Variants in LGR6 observed in about 807,000 individuals in gnomAD.
The protein encoded by LGR6 is leucine rich repeat containing G protein-coupled receptor 6.
A neutral mutation model predicts 69.4 loss-of-function variants in LGR6; 45 were observed. The ratio of observed to expected loss-of-function variants is 0.65; its 90% confidence interval spans 0.51 to 0.83. LGR6 has a LOEUF of 0.83. LGR6 is among the 40% of genes least tolerant of loss of function. The pLI, the probability that LGR6 is intolerant of heterozygous loss-of-function variation, is 0.00. For synonymous variants in LGR6, 538 were observed against 555.0 expected (o/e 0.97, Z 0.43); for missense variants, 1,108 against 1,246.7 (o/e 0.89, Z 1.68).
rs758435185 is a variant in LGR6 at position 202,280,821 on chromosome 1, A to G, written c.685A>G (p.Ser229Gly). The G allele has an allele frequency of 3.7e-6, 6 of 1,614,076 alleles. No individual in the cohort carries two copies. Among genetic ancestry groups the G allele is most frequent in the Non-Finnish European group, 2.5e-6 (3 of 1,180,028 alleles). ...CCGCATCCAGCATCTGGGGACCCAC[A>G]GCTTCGAGGGGCTGCACAATCTGGA... The part of the protein sequence containing the change: ...NNRIQHLGTH[S>G]FEGLHNLETL... Residue 229 changes from serine (S) to glycine (G), a missense_variant, in exon 6 of 18, where the codon AGC (serine) becomes GGC (glycine). Coordinates refer to ENST00000367278, the MANE Select transcript of LGR6 (RefSeq NM_001017403.2).
At chr1:202,209,937 A>G (rs1294433546) in intron 1 of LGR6, among the ~76,000 whole-genome samples, 1 of 152,234 alleles carries the variant, frequency 6.6e-6, no homozygotes, top group Non-Finnish European at 1.5e-5. Context: ...GTTTGTACTT[A>G]GGTGATGCAC....
At chr1:202,205,874 C>T (rs1659202325) in intron 1 of LGR6, among the ~76,000 whole-genome samples, 1 of 149,822 alleles carries the variant, frequency 6.7e-6, no homozygotes, top group Non-Finnish European at 1.5e-5. Flanking sequence ...CAAACACACA[C>T]CCGTCCTTCA....
At chr1:202,310,064 G>A (rs1653593942) in intron 15 of LGR6, 133 bp from the exon 16 acceptor site, 3 of 866,090 alleles carry the variant, frequency 3.5e-6, no homozygotes, top group Non-Finnish European at 5.5e-6. Context: ...CCAGCACAGT[G>A]AACAGGGAAC....
intron 6 of LGR6, among the ~76,000 whole-genome samples, chr1:202,282,669 G>A (rs1438147747): frequency 2.0e-5 from 3 of 152,180 alleles, no homozygotes; most frequent in Admixed American, 2.0e-4. Flanking sequence ...CAGGTGGGGA[G>A]GGGGTACATA....
At chr1:202,206,450 C>T (rs535596837) in intron 1 of LGR6, among the ~76,000 whole-genome samples, 15 of 152,340 alleles carry the variant, frequency 9.8e-5, no homozygotes, top group Admixed American at 5.9e-4. Flanking sequence ...TGGCCAGGAT[C>T]CCTTCACAGA....
At chr1:202,198,396 A>G (rs941626871) in intron 1 of LGR6, among the ~76,000 whole-genome samples, 2 of 152,208 alleles carry the variant, frequency 1.3e-5, no homozygotes, top group Admixed American at 6.5e-5. Context: ...CACTTAGATG[A>G]TGTTTGCAAA....
chr1:202,224,997 A>T (rs1660411780), intron 1 of LGR6, among the ~76,000 whole-genome samples: 1 of 152,232 alleles, frequency 6.6e-6, no homozygotes, highest in African/African-American at 2.4e-5. Flanking sequence ...TCTGGGCCTC[A>T]GTTTCCCCAC....
chr1:202,243,215 G>T (rs1409165025), intron 4 of LGR6, among the ~76,000 whole-genome samples: 1 of 152,190 alleles, frequency 6.6e-6, no homozygotes, highest in African/African-American at 2.4e-5. Flanking sequence ...TGCTCCCAGA[G>T]CTGACCTTGG....
intron 17 of LGR6, among the ~76,000 whole-genome samples, chr1:202,316,345 C>G (rs1193383536): frequency 6.6e-6 from 1 of 152,126 alleles, no homozygotes; most frequent in Non-Finnish European, 1.5e-5. Flanking sequence ...AAGCCAGACT[C>G]CCTTTAACAA....
intron 4 of LGR6, among the ~76,000 whole-genome samples, chr1:202,265,952 CT>C (rs1403755763): frequency 6.6e-6 from 1 of 152,112 alleles, no homozygotes; most frequent in Non-Finnish European, 1.5e-5. Context: ...TGAAGTTGGC[CT>C]TTTACTATCT....
chr1:202,308,618 T>C (rs900715908), intron 14 of LGR6, among the ~76,000 whole-genome samples: 2 of 152,108 alleles, frequency 1.3e-5, no homozygotes, highest in African/African-American at 4.8e-5. Flanking sequence ...AGCCCTCTTA[T>C]ATCATCAGAA....
At chr1:202,256,928 C>T (rs1489723928) in intron 4 of LGR6, among the ~76,000 whole-genome samples, 4 of 152,096 alleles carry the variant, frequency 2.6e-5, no homozygotes, top group African/African-American at 7.2e-5. Flanking sequence ...AGTGGTATCT[C>T]GTTGTGGTTC....
intron 3 of LGR6, among the ~76,000 whole-genome samples, chr1:202,232,680 G>A (rs2361449): frequency 0.049 from 7,528 of 152,110 alleles, 253 homozygotes; most frequent in Admixed American, 0.11. Context: ...TTAAAACCTT[G>A]TCTGTTGATT....
intron 4 of LGR6, 32 bp downstream of exon 4, chr1:202,236,025 C>G: frequency 6.3e-7 from 1 of 1,594,732 alleles, no homozygotes; most frequent in South Asian, 1.1e-5. Flanking sequence ...CTGGGAGTCA[C>G]CAGCTTCCTG....
chr1:202,256,266 T>TA (rs1288285573), intron 4 of LGR6, among the ~76,000 whole-genome samples: 1 of 152,166 alleles, frequency 6.6e-6, no homozygotes, highest in East Asian at 1.9e-4. Context: ...ATTTTTGAGA[T>TA]AGAGTCTCGC....
Position 202,318,990 on chromosome 1 carries a change from T to A in LGR6, c.2687T>A (p.Phe896Tyr), listed in dbSNP as rs1045147084. The change falls in exon 18 of 18, where the codon TTC becomes TAC. Residue 896 changes from phenylalanine (F) to tyrosine (Y), a missense_variant. Transcript: ENST00000367278. ...GRPPGLETYG[F>Y]PSVTLISCQQ... Reference sequence around the variant, plus strand: ...CCCCCTGGGCTGGAGACCTATGGCTTCCCCTCAGTGACCCTCATCTCCTGT... The same window carrying A: ...CCCCCTGGGCTGGAGACCTATGGCTACCCCTCAGTGACCCTCATCTCCTGT... The A allele has an allele frequency of 3.1e-6, 5 of 1,613,556 alleles. No individual in the cohort carries two copies. Among genetic ancestry groups the A allele is most frequent in the Admixed American group, 3.3e-5 (2 of 59,930 alleles).
At chr1:202,213,629 T>C (rs763692013) in intron 1 of LGR6, among the ~76,000 whole-genome samples, 1 of 152,234 alleles carries the variant, frequency 6.6e-6, no homozygotes, top group African/African-American at 2.4e-5. Flanking sequence ...GGAGGGGCTC[T>C]GTTGGTTACA....
Position 202,235,940 on chromosome 1 carries a change from G to A in LGR6, c.375G>A (p.Gln125=). The A allele has an allele frequency of 6.2e-7, 1 of 1,614,066 alleles. No homozygotes were observed. Among genetic ancestry groups the A allele is most frequent in the Non-Finnish European group, 8.5e-7 (1 of 1,180,014 alleles). The change falls in exon 4 of 18, where the codon CAG becomes CAA. Residue 125 remains glutamine (Q), a synonymous_variant. Transcript: ENST00000367278. Reference sequence around the variant, plus strand: ...CCCGTAGGATGCTGCAGAACAATCAGCTGGGAGGAATCCCCGCAGAGGCGC... The same window carrying A: ...CCCGTAGGATGCTGCAGAACAATCAACTGGGAGGAATCCCCGCAGAGGCGC... The part of the protein sequence containing the change: ...SLKILMLQNN[Q]LGGIPAEALW...
In LGR6 at chr1:202,319,061, C is replaced by T; in HGVS notation, c.2758C>T (p.Pro920Ser). 3.1e-6 allele frequency: 5 copies of T among 1,614,154 alleles called. No homozygotes were observed. In the South Asian group the frequency reaches 5.5e-5, roughly 18 times the overall value. Reference protein sequence around the residue: ...PRLEGSHCVEPEGNHFGNPQP... With the variant: ...PRLEGSHCVESEGNHFGNPQP... ...GCTGGAGGGCAGCCATTGTGTAGAGCCAGAGGGGAACCACTTTGGGAACCC... is the reference window on the plus strand; with the variant it reads ...GCTGGAGGGCAGCCATTGTGTAGAGTCAGAGGGGAACCACTTTGGGAACCC... Residue 920 changes from proline to serine, a missense_variant, in exon 18 of 18, where the codon CCA becomes TCA. Pro to Ser is a moderately conservative substitution (Grantham distance 74). Coordinates refer to ENST00000367278, the MANE Select transcript of LGR6 (RefSeq NM_001017403.2).
Sources: allele counts gnomAD v4.1 joint callset (sites outside exome capture counted in the v4.1 genomes callset), GRCh38; gene constraint gnomAD v4.1.1; transcripts MANE v1.5; gene names NCBI Gene and HGNC (gene_info 2026-07-23, HGNC 2026-07-21).